Variants in ALMS1 observed in about 807,000 individuals in gnomAD.
ALMS1 encodes ALMS1 centrosome and basal body associated protein.
ALMS1 carries 271 observed loss-of-function variants against 352.2 expected under a neutral mutation model. The observed-to-expected ratio is 0.77, with a 90% CI of 0.70 to 0.85. The LOEUF (loss-of-function observed/expected upper bound fraction) is 0.85. ALMS1 is among the 40% of genes least tolerant of loss of function. ALMS1 has a pLI of 0.00. For synonymous variants in ALMS1, 1,865 were observed against 1,761.2 expected (o/e 1.06, Z -1.48); for missense variants, 5,445 against 4,870.7 (o/e 1.12, Z -3.51).
intron 12 of ALMS1, among the ~76,000 whole-genome samples, chr2:73,541,983 A>G (rs532159358): frequency 6.6e-6 from 1 of 152,348 alleles, no homozygotes; most frequent in East Asian, 1.9e-4. Context: ...ATTCCAATCA[A>G]TAGAAAAAGA....
chr2:73,474,067 T>G (rs1672527410), intron 9 of ALMS1, among the ~76,000 whole-genome samples: 1 of 152,106 alleles, frequency 6.6e-6, no homozygotes, highest in Non-Finnish European at 1.5e-5. Flanking sequence ...ATAGTCAAAT[T>G]GTTAAATATT....
chr2:73,412,450 G>C (rs1225906898), intron 2 of ALMS1, among the ~76,000 whole-genome samples: 4 of 152,120 alleles, frequency 2.6e-5, no homozygotes, highest in African/African-American at 9.7e-5. Context: ...TATTCCATTT[G>C]TGTGTAGGTT....
rs550679150 is a variant in ALMS1, at chr2:73,599,597, A to G, written c.11668+76A>G. Reference sequence around the variant, plus strand: ...TAAACATGTAAGATACTCAACCTCAATCATAATAAAGGACATGAAGATAAA... The same window carrying G: ...TAAACATGTAAGATACTCAACCTCAGTCATAATAAAGGACATGAAGATAAA... On this transcript the variant is annotated intron_variant, in intron 17 of 22. Coordinates refer to ENST00000613296, the MANE Select transcript of ALMS1 (RefSeq NM_001378454.1). The G allele has an allele frequency of 8.2e-4, 1,212 of 1,485,776 alleles. 7 individuals carry two copies. Among genetic ancestry groups the G allele is most frequent in the South Asian group, 6.2e-3 (548 of 88,022 alleles). 92.0% of individuals were successfully genotyped at this position (1,485,776 alleles called of 1,614,324 possible).
At chr2:73,541,871 A>G (rs1674190728) in intron 12 of ALMS1, among the ~76,000 whole-genome samples, 1 of 152,238 alleles carries the variant, frequency 6.6e-6, no homozygotes, top group East Asian at 1.9e-4. Context: ...TTGAGGCAAT[A>G]ATCGATAGCT....
chr2:73,494,275 G>C (rs928127129), intron 10 of ALMS1, among the ~76,000 whole-genome samples: 2 of 151,766 alleles, frequency 1.3e-5, no homozygotes, highest in African/African-American at 4.9e-5. Flanking sequence ...TCTCACCCAA[G>C]GGTTGGGAAT....
intron 9 of ALMS1, among the ~76,000 whole-genome samples, chr2:73,460,020 T>C (rs185746040): frequency 9.8e-5 from 15 of 152,294 alleles, no homozygotes; most frequent in African/African-American, 3.4e-4. Flanking sequence ...TCCAATTCCA[T>C]TCCAGTACTA....
chr2:73,432,144 C>G, intron 6 of ALMS1, 54 bp from the exon 7 acceptor site: 3 of 1,340,408 alleles, frequency 2.2e-6, no homozygotes, highest in Non-Finnish European at 2.1e-6. Context: ...TCATTCTAAT[C>G]TGGGCATTAA....
In ALMS1 at chr2:73,502,929, G is replaced by A. The variant is rs913467081; in HGVS notation, c.9539+11431G>A. ...TTTCTCCTTAGTTATTTGGGAATACGTTGTTGACCTGCTGCACAATCACTT... is the reference window on the plus strand; with the variant it reads ...TTTCTCCTTAGTTATTTGGGAATACATTGTTGACCTGCTGCACAATCACTT... On this transcript the variant is annotated intron_variant, in intron 10 of 22. Coordinates refer to ENST00000613296, the MANE Select transcript of ALMS1 (RefSeq NM_001378454.1). 2.0e-5 allele frequency among the ~76,000 whole-genome samples: 3 copies of A among 152,146 alleles called. No homozygotes were observed. The East Asian group carries it at 5.8e-4, about 29-fold the overall frequency.
chr2:73,557,041 A>G (rs2104057057), intron 13 of ALMS1, among the ~76,000 whole-genome samples, 179 bp from the exon 14 acceptor site: 1 of 152,170 alleles, frequency 6.6e-6, no homozygotes, highest in East Asian at 1.9e-4. Context: ...TGTACACAGT[A>G]AAGTATGAAA....
chr2:73,398,705 A>G (rs1670814346), intron 1 of ALMS1, among the ~76,000 whole-genome samples: 1 of 152,164 alleles, frequency 6.6e-6, no homozygotes, highest in South Asian at 2.1e-4. Context: ...GTTAATGTAA[A>G]TGGTATTATT....
chr2:73,576,083 C>T (rs1675048731), intron 16 of ALMS1, among the ~76,000 whole-genome samples: 1 of 151,916 alleles, frequency 6.6e-6, no homozygotes, highest in African/African-American at 2.4e-5. Flanking sequence ...ACTTTTTTTC[C>T]CCATTGAATG....
Position 73,502,646 on chromosome 2 carries a change from A to G in ALMS1, c.9539+11148A>G, listed in dbSNP as rs758542479. Among the ~76,000 whole-genome samples the G allele has an allele frequency of 7.4e-4, 112 of 152,094 alleles. 1 individual carries two copies. The highest frequency in any genetic ancestry group is 5.2e-4 in the Admixed American group (8 of 15,266). On this transcript the variant is annotated intron_variant, in intron 10 of 22. Transcript: ENST00000613296. ...TTCAGATGTTTTTCCTGATCTATGG[A>G]TATGATCATACATGTTTTCTCCTTT...
At position 73,453,741 on chromosome 2, in the gene ALMS1, T is replaced by C. The variant is rs913973689; in HGVS notation, c.7214T>C (p.Ile2405Thr). Residue 2405 changes from isoleucine to threonine, a missense_variant, in exon 8 of 23, where the codon ATC becomes ACC. By Grantham distance (89) the Ile-to-Thr change is moderately conservative. Coordinates refer to ENST00000613296, the MANE Select transcript of ALMS1 (RefSeq NM_001378454.1). ...GGAACCATTGGGAATAAAATTATTA[T>C]CCCTATGATGACTGTCATAAAAAGT... ...CSGTIGNKIIIPMMTVIKSDS... is the reference protein window; with the variant it reads ...CSGTIGNKIITPMMTVIKSDS... 1.2e-6 allele frequency: 2 copies of C among 1,614,094 alleles called. No homozygotes were observed. The highest frequency in any genetic ancestry group is 1.7e-6 in the Non-Finnish European group (2 of 1,180,006).
intron 9 of ALMS1, among the ~76,000 whole-genome samples, chr2:73,460,763 C>T (rs1239825743): frequency 6.6e-6 from 1 of 152,238 alleles, no homozygotes; most frequent in Non-Finnish European, 1.5e-5. Context: ...TTCCGACGGG[C>T]TTAAAAAACG....
At chr2:73,601,571 CTGTTTTCACG>C in intron 19 of ALMS1, 135 bp downstream of exon 19, 1 of 1,382,072 alleles carries the variant, frequency 7.2e-7, no homozygotes, top group Admixed American at 2.0e-5. Flanking sequence ...CGCAGTTCAC[CTGTTTTCACG>C]CACGAGGGTT....
intron 1 of ALMS1, among the ~76,000 whole-genome samples, chr2:73,397,866 C>T (rs1364767687): frequency 6.6e-6 from 1 of 152,242 alleles, no homozygotes; most frequent in Non-Finnish European, 1.5e-5. Context: ...GCCTCCCTCA[C>T]TGTTAACATC....
At chr2:73,474,976 T>C (rs1436916630) in intron 9 of ALMS1, among the ~76,000 whole-genome samples, 1 of 152,164 alleles carries the variant, frequency 6.6e-6, no homozygotes, top group East Asian at 1.9e-4. Flanking sequence ...TCTGGACATT[T>C]TATATAAACA....
chr2:73,604,256 A>G (rs748564264), intron 21 of ALMS1, among the ~76,000 whole-genome samples: 4 of 152,176 alleles, frequency 2.6e-5, no homozygotes, highest in Non-Finnish European at 4.4e-5. Flanking sequence ...TTGAGTGTTG[A>G]ATGTGGTGGT....
chr2:73,482,927 C>T (rs1306343248), intron 9 of ALMS1, among the ~76,000 whole-genome samples: 5 of 152,020 alleles, frequency 3.3e-5, no homozygotes, highest in African/African-American at 1.2e-4. Context: ...TGGTGATATC[C>T]CCTTTATCAT....
Sources: gnomAD v4.1 joint callset for allele counts (sites outside exome capture counted in the v4.1 genomes callset) on GRCh38, gnomAD v4.1.1 for gene constraint, MANE v1.5 for transcripts, NCBI Gene and HGNC (gene_info 2026-07-23, HGNC 2026-07-21) for gene names.